The following GOLIM4 variants were observed in gnomAD, a reference collection of about 807,000 sequenced individuals.
GOLIM4 encodes the protein golgi integral membrane protein 4.
In GOLIM4, 71 loss-of-function variants were observed where a neutral mutation model predicts 107.4. The observed-to-expected ratio is 0.66, with a 90% CI of 0.55 to 0.81. GOLIM4 has a LOEUF of 0.81. Among genes scored for constraint, GOLIM4 ranks in the 30% least tolerant of loss-of-function variants. GOLIM4 has a pLI of 0.00. For missense variants in GOLIM4, 830 were observed against 826.1 expected (o/e 1.00, Z -0.06); for synonymous variants, 327 against 294.8 (o/e 1.11, Z -1.12).
intron 1 of GOLIM4, 95 bp from the exon 2 acceptor site, chr3:168,048,460 G>A (rs1577538620): frequency 1.6e-6 from 1 of 641,400 alleles, no homozygotes. Flanking sequence ...ACAGTGTAGA[G>A]TCTTTACACA....
At chr3:168,054,551 C>CT (rs1719833125) in intron 1 of GOLIM4, among the ~76,000 whole-genome samples, 1 of 152,162 alleles carries the variant, frequency 6.6e-6, no homozygotes, top group Non-Finnish European at 1.5e-5. Context: ...ACTTCGTCTC[C>CT]TTTCCTACAT....
chr3:168,057,268 T>C (rs1720030976), intron 1 of GOLIM4, among the ~76,000 whole-genome samples: 1 of 152,206 alleles, frequency 6.6e-6, no homozygotes. Flanking sequence ...CTTTCTTTTG[T>C]AAACTGCCCA....
intron 1 of GOLIM4, among the ~76,000 whole-genome samples, chr3:168,077,842 T>C (rs1489787307): frequency 6.6e-6 from 1 of 152,156 alleles, no homozygotes; most frequent in Non-Finnish European, 1.5e-5. Context: ...AAATAAACTA[T>C]AATATACAGA....
intron 3 of GOLIM4, among the ~76,000 whole-genome samples, chr3:168,046,731 C>A (rs1719326179): frequency 6.6e-6 from 1 of 151,520 alleles, no homozygotes; most frequent in African/African-American, 2.4e-5. Context: ...AGGTTATTCC[C>A]AGTTTATCCC....
At chr3:168,071,368 T>C (rs9813779) in intron 1 of GOLIM4, among the ~76,000 whole-genome samples, 45,083 of 151,966 alleles carry the variant, frequency 0.3, 7,343 homozygotes, top group African/African-American at 0.42. Context: ...ATAATGAATT[T>C]CAGCTGAATT....
In GOLIM4 at chr3:168,036,870, G is replaced by A. The variant is rs1221210562; in HGVS notation, c.809C>T (p.Thr270Ile). Residue 270 changes from threonine to isoleucine, a missense_variant, in exon 8 of 16, where the codon ACA becomes ATA. Transcript: ENST00000470487. The part of the protein sequence containing the change: ...QVAHSPQGYN[T>I]AREKPTREVQ... Reference sequence around the variant, plus strand: ...CTCTCGGGTTGGCTTCTCCCTTGCTGTGTTGTAACCTTGTGGAGAATGTGC... The same window carrying A: ...CTCTCGGGTTGGCTTCTCCCTTGCTATGTTGTAACCTTGTGGAGAATGTGC... 12 of 1,613,666 alleles carry A rather than the reference G, an allele frequency of 7.4e-6. No homozygotes were observed. Among genetic ancestry groups the A allele is most frequent in the South Asian group, 1.1e-5 (1 of 90,974 alleles).
intron 1 of GOLIM4, among the ~76,000 whole-genome samples, chr3:168,058,757 C>A (rs1333620931): frequency 1.3e-5 from 2 of 152,076 alleles, no homozygotes; most frequent in Admixed American, 6.6e-5. Flanking sequence ...AAAAAGGCTG[C>A]ACTCTACAAA....
intron 15 of GOLIM4, 46 bp from the exon 16 acceptor site, chr3:168,010,464 T>A (rs1301127825): frequency 8.0e-7 from 1 of 1,251,914 alleles, no homozygotes; most frequent in Non-Finnish European, 1.1e-6. Flanking sequence ...AGTATAGAGT[T>A]AGTGATAAAT....
At chr3:168,023,407 C>T (rs1717820756) in intron 14 of GOLIM4, among the ~76,000 whole-genome samples, 1 of 152,220 alleles carries the variant, frequency 6.6e-6, no homozygotes, top group South Asian at 2.1e-4. Context: ...TTGCCAGTGA[C>T]CTTAAAGAGC....
chr3:168,091,963 T>C (rs1341978161), intron 1 of GOLIM4, among the ~76,000 whole-genome samples: 2 of 152,192 alleles, frequency 1.3e-5, no homozygotes, highest in East Asian at 1.9e-4. Flanking sequence ...AGATTTTTTA[T>C]AGAGGTGTGG....
At chr3:168,053,402 AAAAC>A (rs906633079) in intron 1 of GOLIM4, among the ~76,000 whole-genome samples, 3 of 152,230 alleles carry the variant, frequency 2.0e-5, no homozygotes, top group Non-Finnish European at 2.9e-5. Flanking sequence ...TTATTTTTAA[AAAAC>A]AAACAACAAA....
chr3:168,051,822 G>A (rs1719664832), intron 1 of GOLIM4, among the ~76,000 whole-genome samples: 1 of 152,208 alleles, frequency 6.6e-6, no homozygotes, highest in African/African-American at 2.4e-5. Context: ...GAATGGAGCA[G>A]CGGTGACGGA....
At chr3:168,041,214 C>T in intron 6 of GOLIM4, 178 bp downstream of exon 6, 1 of 525,732 alleles carries the variant, frequency 1.9e-6, no homozygotes, top group Admixed American at 3.5e-5. Context: ...ATTTTCAGAC[C>T]ATCTTTTAGC....
intron 6 of GOLIM4, chr3:168,041,191 T>C (rs1718979287): frequency 5.6e-6 from 3 of 531,928 alleles, no homozygotes; most frequent in Non-Finnish European, 9.9e-6. Flanking sequence ...TCAGTACTAA[T>C]GAGAATATTC....
intron 5 of GOLIM4, among the ~76,000 whole-genome samples, chr3:168,042,586 G>A (rs536549995): frequency 1.3e-5 from 2 of 152,308 alleles, no homozygotes; most frequent in African/African-American, 4.8e-5. Context: ...CGGTTGAAAT[G>A]GGGAAGACGT....
chr3:168,018,045 C>T (rs544496441), intron 14 of GOLIM4, among the ~76,000 whole-genome samples: 1 of 152,298 alleles, frequency 6.6e-6, no homozygotes, highest in Non-Finnish European at 1.5e-5. Context: ...GAAAACCATA[C>T]ATATGCCAAA....
chr3:168,072,792 AC>A (rs1720900904), intron 1 of GOLIM4, among the ~76,000 whole-genome samples: 1 of 152,130 alleles, frequency 6.6e-6, no homozygotes, highest in South Asian at 2.1e-4. Flanking sequence ...GAAGCTAACA[AC>A]AGCAAATAAT....
rs554849260 is a variant in GOLIM4, at chr3:168,057,625, G to A, written c.188-9260C>T. ...TCACCTCCCACCAGGTCCCTCCCTC[G>A]ACACATGGGGATTACAATTCTAGAT... On this transcript the variant is annotated intron_variant, in intron 1 of 15. Coordinates refer to ENST00000470487, the MANE Select transcript of GOLIM4 (RefSeq NM_014498.5). Among the ~76,000 whole-genome samples the A allele has an allele frequency of 3.9e-5, 6 of 152,240 alleles. 1 individual carries two copies. Among genetic ancestry groups the A allele is most frequent in the African/African-American group, 1.2e-4 (5 of 41,532 alleles).
chr3:168,042,406 G>A (rs1221746611), intron 5 of GOLIM4, among the ~76,000 whole-genome samples: 3 of 152,006 alleles, frequency 2.0e-5, no homozygotes, highest in East Asian at 1.9e-4. Context: ...TTGGCCTCCC[G>A]AATGGCTGAG....
Sources: gnomAD v4.1 joint callset for allele counts (sites outside exome capture counted in the v4.1 genomes callset) on GRCh38, gnomAD v4.1.1 for gene constraint, MANE v1.5 for transcripts, NCBI Gene and HGNC (gene_info 2026-07-23, HGNC 2026-07-21) for gene names.